The following VPS13B variants were observed in gnomAD, a reference collection of about 807,000 sequenced individuals.
The protein encoded by VPS13B is intermembrane lipid transfer protein VPS13B.
A neutral mutation model predicts 426.4 loss-of-function variants in VPS13B; 285 were observed. The ratio of observed to expected loss-of-function variants is 0.67; its 90% CI spans 0.61 to 0.74. The LOEUF (loss-of-function observed/expected upper bound fraction) is 0.74. VPS13B is among the 30% of genes least tolerant of loss of function. The pLI, the probability that VPS13B is intolerant of heterozygous loss-of-function variation, is 0.00. For missense variants in VPS13B, 4,537 were observed against 4,782.6 expected (o/e 0.95, Z 1.51); for synonymous variants, 1,676 against 1,676.4 (o/e 1.00, Z 0.01).
intron 19 of VPS13B, among the ~76,000 whole-genome samples, chr8:99,290,640 A>T (rs1819678223): frequency 6.6e-6 from 1 of 151,844 alleles, no homozygotes; most frequent in Non-Finnish European, 1.5e-5. Context: ...TGTACCCTAG[A>T]ACTTAAAGTA....
chr8:99,416,201 C>T (rs79230117), intron 21 of VPS13B, among the ~76,000 whole-genome samples: 9,595 of 152,212 alleles, frequency 0.063, 407 homozygotes, highest in African/African-American at 0.12. Flanking sequence ...TTCCCGATGG[C>T]TTTGTTTACA....
chr8:99,151,826 G>T (rs191454321), intron 14 of VPS13B, among the ~76,000 whole-genome samples: 232 of 152,130 alleles, frequency 1.5e-3, no homozygotes, highest in African/African-American at 5.2e-3. Flanking sequence ...AGCTACCACC[G>T]CACCTGGCCT....
chr8:99,676,525 T>C (rs916043827), intron 35 of VPS13B, among the ~76,000 whole-genome samples: 8 of 151,926 alleles, frequency 5.3e-5, no homozygotes, highest in African/African-American at 1.9e-4. Flanking sequence ...ATTCACTTCC[T>C]TCTAGTTCCC....
chr8:99,379,625 T>A (rs1563697463), intron 19 of VPS13B, among the ~76,000 whole-genome samples: 1 of 152,178 alleles, frequency 6.6e-6, no homozygotes, highest in Non-Finnish European at 1.5e-5. Flanking sequence ...CTAAATTTGA[T>A]TGATTACATT....
rs766155113 is a variant in VPS13B at position 99,859,494 on chromosome 8, T to C, written c.11044+14T>C. On this transcript the variant is annotated intron_variant, in intron 57 of 61. Transcript: ENST00000357162. The stretch of plus-strand genomic sequence containing the variant: ...ACATCTCCAAAGGTAGCGGGTTCCG[T>C]TCCTTGTAATAATGCCTTCACTCCT... The C allele has an allele frequency of 6.2e-7, 1 of 1,612,560 alleles. No individual in the cohort carries two copies. Among genetic ancestry groups the C allele is most frequent in the South Asian group, 1.1e-5 (1 of 91,054 alleles).
At chr8:99,536,602 C>T (rs1249826461) in intron 30 of VPS13B, 1 of 530,100 alleles carries the variant, frequency 1.9e-6, no homozygotes, top group East Asian at 5.5e-5. Flanking sequence ...TGTTTTGTAT[C>T]CTGGGACCCC....
chr8:99,105,177 T>C (rs1846977015), intron 5 of VPS13B, among the ~76,000 whole-genome samples: 3 of 152,196 alleles, frequency 2.0e-5, no homozygotes, highest in African/African-American at 7.2e-5. Flanking sequence ...TTTACAACTT[T>C]GTTGTGAGCA....
intron 33 of VPS13B, among the ~76,000 whole-genome samples, chr8:99,640,902 A>C (rs1477531321): frequency 1.3e-5 from 2 of 152,138 alleles, no homozygotes; most frequent in African/African-American, 2.4e-5. Flanking sequence ...GGGGTGGGGT[A>C]GTTTTTTTTA....
At chr8:99,636,865 A>G (rs866425872) in intron 33 of VPS13B, among the ~76,000 whole-genome samples, 24 of 152,222 alleles carry the variant, frequency 1.6e-4, no homozygotes, top group African/African-American at 4.8e-4. Context: ...AGAATAATTC[A>G]AAACATATGG....
chr8:99,727,363 G>C (rs1392436760), intron 39 of VPS13B, among the ~76,000 whole-genome samples: 1 of 152,174 alleles, frequency 6.6e-6, no homozygotes, highest in African/African-American at 2.4e-5. Context: ...TAAAAAGACT[G>C]CCAAACACAC....
intron 19 of VPS13B, among the ~76,000 whole-genome samples, chr8:99,314,177 G>T (rs1011834961): frequency 6.6e-6 from 1 of 151,974 alleles, no homozygotes; most frequent in Admixed American, 6.6e-5. Flanking sequence ...CCACTGTCCT[G>T]CCCCCACTGT....
intron 4 of VPS13B, among the ~76,000 whole-genome samples, chr8:99,098,451 G>C (rs777889187): frequency 6.6e-6 from 1 of 151,864 alleles, no homozygotes; most frequent in African/African-American, 2.4e-5. Flanking sequence ...CATTTTTTAC[G>C]TTGTTATTTC....
At chr8:99,519,732 G>T (rs533638276) in intron 29 of VPS13B, among the ~76,000 whole-genome samples, 2 of 149,048 alleles carry the variant, frequency 1.3e-5, no homozygotes, top group East Asian at 2.0e-4. Flanking sequence ...GTTCTCACTC[G>T]TAGGTGGGAA....
intron 14 of VPS13B, among the ~76,000 whole-genome samples, chr8:99,148,299 G>A (rs867908852): frequency 1.3e-5 from 2 of 151,018 alleles, no homozygotes; most frequent in African/African-American, 2.4e-5. Flanking sequence ...AGAAGTTTGA[G>A]GCTGCAGTGA....
chr8:99,368,919 C>G (rs1813028967), intron 19 of VPS13B, among the ~76,000 whole-genome samples: 1 of 152,122 alleles, frequency 6.6e-6, no homozygotes, highest in South Asian at 2.1e-4. Context: ...ACTCATGTTC[C>G]TGAACGTATC....
At chr8:99,818,966 C>CGG in intron 47 of VPS13B, 78 bp downstream of exon 47, 2 of 93,688 alleles carry the variant, frequency 2.1e-5, no homozygotes, top group South Asian at 5.8e-5. Flanking sequence ...CACTGGGGGG[C>CGG]GGCGGGGGAG....
chr8:99,803,634 A>T (rs1433117425), intron 43 of VPS13B, among the ~76,000 whole-genome samples: 11 of 152,228 alleles, frequency 7.2e-5, no homozygotes, highest in African/African-American at 1.2e-4. Flanking sequence ...ACCAAGCATT[A>T]GTCATTACCT....
chr8:99,429,807 C>T (rs527849790), intron 21 of VPS13B, among the ~76,000 whole-genome samples: 1 of 152,180 alleles, frequency 6.6e-6, no homozygotes, highest in Non-Finnish European at 1.5e-5. Context: ...TTTCAAAACA[C>T]ATATTCAACA....
At chr8:99,623,665 A>G (rs1828465188) in intron 33 of VPS13B, among the ~76,000 whole-genome samples, 1 of 152,202 alleles carries the variant, frequency 6.6e-6, no homozygotes, top group Non-Finnish European at 1.5e-5. Flanking sequence ...ACAGAGCCTT[A>G]TGTGGTAAAA....
Sources: gnomAD v4.1 joint callset for allele counts (sites outside exome capture counted in the v4.1 genomes callset) on GRCh38, gnomAD v4.1.1 for gene constraint, MANE v1.5 for transcripts, NCBI Gene and HGNC (gene_info 2026-07-23, HGNC 2026-07-21) for gene names.